The following HRH2 variants were observed in gnomAD, a reference collection of about 807,000 sequenced individuals.
The protein encoded by HRH2 is histamine H2 receptor.
HRH2 carries 4 observed loss-of-function variants against 20.1 expected under a neutral mutation model. The observed-to-expected ratio is 0.20, with a 90% CI of 0.10 to 0.45. The LOEUF is 0.45. HRH2 is among the 20% of genes least tolerant of loss of function. The pLI is 0.99. For synonymous variants in HRH2, 197 were observed against 200.7 expected (o/e 0.98, Z 0.16); for missense variants, 250 against 461.6 (o/e 0.54, Z 4.20).
chr5:175,659,150 C>T (rs1762659584), intron 1 of HRH2, among the ~76,000 whole-genome samples: 1 of 152,114 alleles, frequency 6.6e-6, no homozygotes, highest in African/African-American at 2.4e-5. Flanking sequence ...GTGGGGGGCC[C>T]AGAAGCTTCA....
intron 2 of HRH2, among the ~76,000 whole-genome samples, chr5:175,696,822 A>C (rs1265919381): frequency 6.7e-6 from 1 of 149,586 alleles, no homozygotes; most frequent in African/African-American, 2.5e-5. Flanking sequence ...GGAGAATCTC[A>C]GCACCGCCCC....
chr5:175,692,686 C>T (rs1756427041), intron 2 of HRH2, among the ~76,000 whole-genome samples: 1 of 152,194 alleles, frequency 6.6e-6, no homozygotes, highest in South Asian at 2.1e-4. Flanking sequence ...AGCTGTGCTA[C>T]TGAATTGTTC....
At position 175,693,285 on chromosome 5, in the gene HRH2, C is replaced by T. The variant is rs1048894606; in HGVS notation, c.1076+8976C>T. ...GTGTGCCTGCATTGCAGGGTGTGCA[C>T]AGCCCTTGAGGCTCTCCTGGGGCAT... On this transcript the variant is annotated intron_variant, in intron 2 of 2. Coordinates refer to ENST00000636584, the MANE Select transcript of HRH2 (RefSeq NM_001367711.1). This position sits in a 1 kb window ranked among gnomAD's most constrained non-coding sequence, Gnocchi z 4.4. Among the ~76,000 whole-genome samples the T allele has an allele frequency of 1.3e-5, 2 of 152,180 alleles. No individual in the cohort carries two copies. Among genetic ancestry groups the T allele is most frequent in the Admixed American group, 6.5e-5 (1 of 15,282 alleles).
intron 2 of HRH2, among the ~76,000 whole-genome samples, chr5:175,692,375 A>G (rs1256772258): frequency 1.3e-5 from 2 of 152,372 alleles, no homozygotes. Context: ...CAATTTGCCT[A>G]TGGGCTATCA....
intron 1 of HRH2, among the ~76,000 whole-genome samples, chr5:175,670,996 G>A (rs541825626): frequency 2.6e-5 from 4 of 152,356 alleles, no homozygotes; most frequent in Non-Finnish European, 4.4e-5. Flanking sequence ...AAAGAATGGC[G>A]CACATGGGGT....
intron 2 of HRH2, among the ~76,000 whole-genome samples, chr5:175,701,011 AC>A: frequency 6.6e-6 from 1 of 152,394 alleles, no homozygotes; most frequent in South Asian, 2.1e-4. Flanking sequence ...TAGCAGGATA[AC>A]ACATACAGAT....
At chr5:175,706,923 G>A (rs1262278704) in intron 2 of HRH2, among the ~76,000 whole-genome samples, 2 of 152,182 alleles carry the variant, frequency 1.3e-5, no homozygotes, top group African/African-American at 4.8e-5. Context: ...CTTGGTGGCC[G>A]AGGTGTTCAC....
intron 2 of HRH2, among the ~76,000 whole-genome samples, chr5:175,701,476 C>T (rs1756785510): frequency 6.6e-6 from 1 of 152,184 alleles, no homozygotes; most frequent in African/African-American, 2.4e-5. Flanking sequence ...CTCGGCTTCC[C>T]GCTCGGATTG....
intron 2 of HRH2, among the ~76,000 whole-genome samples, chr5:175,684,956 C>A (rs1038936100): frequency 3.3e-5 from 5 of 152,022 alleles, no homozygotes; most frequent in Non-Finnish European, 7.4e-5. Flanking sequence ...CAGATCTATG[C>A]CTTGGAAAGA....
intron 2 of HRH2, among the ~76,000 whole-genome samples, chr5:175,699,400 C>T (rs35304620): frequency 0.042 from 6,437 of 152,260 alleles, 204 homozygotes; most frequent in Non-Finnish European, 0.06. Context: ...CAGGAGCCAT[C>T]CCCTCTCCTC....
chr5:175,676,799 C>T (rs1755775555), intron 1 of HRH2, among the ~76,000 whole-genome samples: 1 of 152,186 alleles, frequency 6.6e-6, no homozygotes, highest in South Asian at 2.1e-4. Flanking sequence ...CATTTTTTAC[C>T]ATCCACTGCT....
At chr5:175,680,334 G>A (rs1755918852) in intron 1 of HRH2, among the ~76,000 whole-genome samples, 1 of 152,204 alleles carries the variant, frequency 6.6e-6, no homozygotes, top group African/African-American at 2.4e-5. Flanking sequence ...CATGTATGCT[G>A]TGTGCGGGCA....
chr5:175,676,651 T>C (rs915303068), intron 1 of HRH2, among the ~76,000 whole-genome samples: 1 of 152,216 alleles, frequency 6.6e-6, no homozygotes, highest in Non-Finnish European at 1.5e-5. Flanking sequence ...GTACATAGAT[T>C]GCATAGTGGT....
rs564473114 is a variant in HRH2 at position 175,683,720 on chromosome 5, G to A, written c.487G>A (p.Glu163Lys). 3.1e-6 allele frequency: 5 copies of A among 1,614,178 alleles called. No individual in the cohort carries two copies. Among genetic ancestry groups the A allele is most frequent in the East Asian group, 2.2e-5 (1 of 44,880 alleles). ...SIHLGWNSRNETSKGNHTTSK... is the reference protein window; with the variant it reads ...SIHLGWNSRNKTSKGNHTTSK... The stretch of plus-strand genomic sequence containing the variant: ...CCACCTGGGGTGGAACAGCAGGAAC[G>A]AGACCAGCAAGGGCAATCATACCAC... Residue 163 changes from glutamate to lysine, a missense_variant, in exon 2 of 3, where the codon GAG becomes AAG. Physicochemically the swap from Glu to Lys is moderately conservative, Grantham distance 56 (BLOSUM62 1). Around this residue, in one of 5 missense-constraint regions of HRH2, gnomAD observed 27 missense variants for 28.6 expected, o/e 0.94. Transcript: ENST00000636584.
At chr5:175,667,838 G>C (rs1187094570) in intron 1 of HRH2, among the ~76,000 whole-genome samples, 1 of 152,146 alleles carries the variant, frequency 6.6e-6, no homozygotes, top group South Asian at 2.1e-4. Flanking sequence ...CAGTTGTTCT[G>C]TATATTTCTA....
rs558043471 is a variant in HRH2 at position 175,658,847 on chromosome 5, G to C, written c.-526+692G>C. ...TGATAGGAATCCCAATCTGGGCAGT[G>C]ACCTTGAGCTTGAGAGCCTCAGTTT... On this transcript the variant is annotated intron_variant, in intron 1 of 2. Transcript: ENST00000636584. 5.9e-5 allele frequency among the ~76,000 whole-genome samples: 9 copies of C among 152,262 alleles called. No homozygotes were observed. The East Asian group carries it at 9.7e-4, about 16-fold the overall frequency.
chr5:175,665,570 G>C (rs930772712), intron 1 of HRH2, among the ~76,000 whole-genome samples: 4 of 152,140 alleles, frequency 2.6e-5, no homozygotes, highest in African/African-American at 9.7e-5. Flanking sequence ...ACTGACTGTT[G>C]CTTCCAGGCA....
chr5:175,658,911 G>A (rs187667405), intron 1 of HRH2, among the ~76,000 whole-genome samples: 3 of 152,234 alleles, frequency 2.0e-5, no homozygotes, highest in East Asian at 1.9e-4. Context: ...CCCCCACCCC[G>A]TCCATGAGGT....
intron 1 of HRH2, among the ~76,000 whole-genome samples, chr5:175,680,689 C>T (rs958881099): frequency 4.6e-5 from 7 of 152,196 alleles, no homozygotes; most frequent in African/African-American, 1.7e-4. Context: ...TCCTTCTGCC[C>T]ACATGGGACA....
Sources: allele counts gnomAD v4.1 joint callset (sites outside exome capture counted in the v4.1 genomes callset), GRCh38; gene constraint gnomAD v4.1.1; regional missense constraint gnomAD v4.1.1; non-coding constraint Gnocchi (gnomAD v3.1); transcripts MANE v1.5; gene names NCBI Gene and HGNC (gene_info 2026-07-23, HGNC 2026-07-21).